DNAH11: variants seen among roughly 807,000 people sequenced by gnomAD.
The protein encoded by DNAH11 is dynein axonemal heavy chain 11, also known as axonemal beta dynein heavy chain 11.
A neutral mutation model predicts 526.0 loss-of-function variants in DNAH11; 442 were observed. The ratio of observed to expected loss-of-function variants is 0.84; its 90% CI spans 0.78 to 0.91. DNAH11 has a LOEUF of 0.91. Among genes scored for constraint, DNAH11 ranks in the 40% least tolerant of loss-of-function variants. DNAH11 has a pLI of 0.00. For missense variants in DNAH11, 6,989 were observed against 5,448.7 expected, an observed-to-expected ratio of 1.28 and a Z score of -8.90; for synonymous variants, 2,461 against 1,935.9, an observed-to-expected ratio of 1.27 and a Z score of -7.12.
intron 4 of DNAH11, among the ~76,000 whole-genome samples, chr7:21,560,821 A>G (rs1375733251): frequency 6.6e-6 from 1 of 152,182 alleles, no homozygotes; most frequent in Non-Finnish European, 1.5e-5. Context: ...TCAAGTTGAC[A>G]CTCAATTATA....
Position 21,744,593 on chromosome 7 carries a change from T to C in DNAH11, c.8310T>C (p.Tyr2770=). The change falls in exon 50 of 82, where the codon TAT becomes TAC. Residue 2770 remains tyrosine, a synonymous_variant. Coordinates refer to ENST00000409508, the MANE Select transcript of DNAH11 (RefSeq NM_001277115.2). ...QRRMLETAYK[Y]FEGIDSHMLL... ...GAATGCTGGAAACTGCTTATAAATA[T>C]TTTGAAGTAAGCGTATGAATGTCAG... is the stretch of plus-strand genomic sequence containing the variant. 1 of 1,612,908 alleles carries C rather than the reference T, an allele frequency of 6.2e-7. No individual in the cohort carries two copies. Among genetic ancestry groups the C allele is most frequent in the African/African-American group, 1.3e-5 (1 of 74,920 alleles).
intron 45 of DNAH11, among the ~76,000 whole-genome samples, chr7:21,734,628 A>G (rs1488297400): frequency 1.3e-5 from 2 of 152,140 alleles, no homozygotes; most frequent in African/African-American, 4.8e-5. Flanking sequence ...AGGCTGAGGC[A>G]GGTGATCACT....
rs1783192773 is a variant in DNAH11, at chr7:21,864,469, A to T, written c.11374-66A>T. Reference sequence around the variant, plus strand: ...CTCAGTCATGTCTGTTAAATGTGTGACTACTTCCTGTGTGACGATTTTCAT... The same window carrying T: ...CTCAGTCATGTCTGTTAAATGTGTGTCTACTTCCTGTGTGACGATTTTCAT... On this transcript the variant is annotated intron_variant, in intron 69 of 81. Transcript: ENST00000409508. The T allele has an allele frequency of 2.6e-6, 4 of 1,541,110 alleles. No individual in the cohort carries two copies. The South Asian group carries it at 4.9e-5, about 19-fold the overall frequency.
At position 21,582,270 on chromosome 7, in the gene DNAH11, T is replaced by A. The variant is rs758661138; in HGVS notation, c.1710+249T>A. Among the ~76,000 whole-genome samples the A allele has an allele frequency of 2.0e-5, 3 of 152,226 alleles. 1 individual carries two copies. Among genetic ancestry groups the A allele is most frequent in the Non-Finnish European group, 4.4e-5 (3 of 68,036 alleles). ...ATTCACAGTGTTTTAGCTCTCATTA[T>A]CTTCACAGCAAATTTGGCCTGGCCA... On this transcript the variant is annotated intron_variant, in intron 9 of 81. Transcript: ENST00000409508.
At chr7:21,833,897 A>G (rs1294761643) in intron 65 of DNAH11, among the ~76,000 whole-genome samples, 1 of 152,148 alleles carries the variant, frequency 6.6e-6, no homozygotes, top group African/African-American at 2.4e-5. Flanking sequence ...CAGCAAAACG[A>G]TAATAATAGG....
At chr7:21,545,188 C>A (rs10269946) in intron 2 of DNAH11, 39 bp downstream of exon 2, 3 of 1,482,110 alleles carry the variant, frequency 2.0e-6, no homozygotes, top group South Asian at 1.2e-5. Context: ...TTTCACTTAT[C>A]TCCATGACAT....
intron 20 of DNAH11, among the ~76,000 whole-genome samples, chr7:21,612,022 A>G (rs1785540681): frequency 6.6e-6 from 1 of 152,186 alleles, no homozygotes; most frequent in South Asian, 2.1e-4. Flanking sequence ...AAAACAGCAA[A>G]ATTAACAGTA....
chr7:21,720,917 G>A (rs1784851613), intron 44 of DNAH11, 61 bp downstream of exon 44: 1 of 1,579,962 alleles, frequency 6.3e-7, no homozygotes, highest in Non-Finnish European at 8.6e-7. Context: ...GGGTCATGGG[G>A]AGGTTAAAAC....
intron 8 of DNAH11, among the ~76,000 whole-genome samples, chr7:21,573,501 A>G (rs1783971733): frequency 6.6e-6 from 1 of 152,180 alleles, no homozygotes; most frequent in Admixed American, 6.5e-5. Flanking sequence ...GAAAATGACC[A>G]TTACTTTTTT....
At chr7:21,543,651 A>C in intron 1 of DNAH11, 55 bp downstream of exon 1, 1 of 1,523,726 alleles carries the variant, frequency 6.6e-7, no homozygotes, top group Non-Finnish European at 8.8e-7. Context: ...CCCAGGGGAG[A>C]CAGCCCAGTC....
chr7:21,656,066 C>G (rs566324518), intron 29 of DNAH11, 85 bp downstream of exon 29: 1 of 1,413,618 alleles, frequency 7.1e-7, no homozygotes. Flanking sequence ...GCAAAAAATT[C>G]AACCCAGGTC....
chr7:21,619,956 G>A lies in DNAH11; in HGVS notation c.4378G>A (p.Val1460Ile). Residue 1460 changes from valine (V) to isoleucine (I), a missense_variant and splice_region_variant, in exon 25 of 82, where the codon GTT (valine) becomes ATT (isoleucine). Val to Ile is a conservative substitution (Grantham distance 29, BLOSUM62 3). Coordinates refer to ENST00000409508, the MANE Select transcript of DNAH11 (RefSeq NM_001277115.2). ...KAVKELGTEK[V>I]ITEISQTWAT... is the part of the protein sequence containing the mutation. ...CATTAATTATATTGTTGATTACTAG[G>A]TTATTACTGAAATCAGTCAGACCTG... The A allele has an allele frequency of 1.3e-6, 2 of 1,596,084 alleles. No homozygotes were observed. The highest frequency in any genetic ancestry group is 2.7e-5 in the African/African-American group (2 of 74,036).
At position 21,744,612 on chromosome 7, in the gene DNAH11, A is replaced by G. The variant is rs747654287; in HGVS notation, c.8316+13A>G. ...TAAATATTTTGAAGTAAGCGTATGAATGTCAGAGGTCACTACTTACTCCAA... is the reference window on the plus strand; with the variant it reads ...TAAATATTTTGAAGTAAGCGTATGAGTGTCAGAGGTCACTACTTACTCCAA... On this transcript the variant is annotated intron_variant, in intron 50 of 81. Transcript: ENST00000409508. The G allele has an allele frequency of 6.2e-7, 1 of 1,611,752 alleles. No homozygotes were observed. Among genetic ancestry groups the G allele is most frequent in the Non-Finnish European group, 8.5e-7 (1 of 1,179,446 alleles).
intron 65 of DNAH11, among the ~76,000 whole-genome samples, chr7:21,819,766 G>C (rs1056969845): frequency 6.6e-6 from 1 of 152,180 alleles, no homozygotes; most frequent in Non-Finnish European, 1.5e-5. Context: ...TTAACTATCA[G>C]TGAGGATTCT....
Position 21,548,288 on chromosome 7 carries a change from G to A in DNAH11, c.495+3139G>A, listed in dbSNP as rs75597418. ...CAAGCCTGTTTTCTCAGGCTATTTG[G>A]CTGGTGGCATTTAACTGGCTAGCCA... On this transcript the variant is annotated intron_variant, in intron 2 of 81. Transcript: ENST00000409508. Among the ~76,000 whole-genome samples, 614 of 152,220 alleles carry A rather than the reference G, an allele frequency of 4.0e-3. 6 individuals are homozygous for A. Among genetic ancestry groups the A allele is most frequent in the Middle Eastern group, 6.8e-3 (2 of 294 alleles).
intron 54 of DNAH11, among the ~76,000 whole-genome samples, chr7:21,764,089 G>C (rs1409143748): frequency 1.3e-5 from 2 of 152,076 alleles, no homozygotes; most frequent in Non-Finnish European, 2.9e-5. Context: ...GTAATGCAAG[G>C]TGAAAAAGTT....
At chr7:21,659,239 T>C (rs1032417911) in intron 30 of DNAH11, among the ~76,000 whole-genome samples, 2 of 149,560 alleles carry the variant, frequency 1.3e-5, no homozygotes, top group African/African-American at 2.5e-5. Flanking sequence ...GTACATCGTG[T>C]CTATTGTCTT....
chr7:21,821,182 A>C (rs1790035069), intron 65 of DNAH11, among the ~76,000 whole-genome samples: 1 of 152,212 alleles, frequency 6.6e-6, no homozygotes, highest in African/African-American at 2.4e-5. Flanking sequence ...AGATGTATAT[A>C]GGAATGAGAG....
chr7:21,681,747 T>G, intron 31 of DNAH11, 70 bp downstream of exon 31: 1 of 1,584,070 alleles, frequency 6.3e-7, no homozygotes, highest in Non-Finnish European at 8.7e-7. Flanking sequence ...GCCAGAGTAG[T>G]TCCAAGAAAG....
Sources: allele counts gnomAD v4.1 joint callset (sites outside exome capture counted in the v4.1 genomes callset), GRCh38; gene constraint gnomAD v4.1.1; transcripts MANE v1.5; gene names NCBI Gene and HGNC (gene_info 2026-07-23, HGNC 2026-07-21).